NRXN3: variants seen among roughly 807,000 people sequenced by gnomAD.
NRXN3 encodes neurexin 3, also known as neurexin III.
A neutral mutation model predicts 137.6 loss-of-function variants in NRXN3; 32 were observed. That is an observed-to-expected ratio of 0.23 (90% CI 0.18 to 0.31). The LOEUF (loss-of-function observed/expected upper bound fraction) is 0.31. Among genes scored for constraint, NRXN3 ranks in the 10% least tolerant of loss-of-function variants. The probability of loss-of-function intolerance (pLI) is 1.00; values close to 1 mark genes in which losing one functional copy is unlikely to be tolerated. For synonymous variants in NRXN3, 798 were observed against 784.5 expected (o/e 1.02, Z -0.29); for missense variants, 1,574 against 2,062.5 (o/e 0.76, Z 4.59).
intron 15 of NRXN3, among the ~76,000 whole-genome samples, chr14:79,308,109 T>C (rs947798611): frequency 6.6e-5 from 10 of 152,126 alleles, no homozygotes; most frequent in Non-Finnish European, 1.0e-4. Flanking sequence ...GAGCTCATTT[T>C]CACTTACTCA....
intron 4 of NRXN3, among the ~76,000 whole-genome samples, chr14:78,622,409 TTTTG>T (rs1020882120): frequency 1.8e-4 from 27 of 152,280 alleles, no homozygotes; most frequent in East Asian, 3.9e-4. Flanking sequence ...TCATCCTGTT[TTTTG>T]TTTGTTTGTT....
chr14:78,327,360 A>C (rs991771524), intron 4 of NRXN3, among the ~76,000 whole-genome samples: 1 of 152,156 alleles, frequency 6.6e-6, no homozygotes, highest in Admixed American at 6.6e-5. Context: ...TGAAGCAAAC[A>C]ACATGAACAC....
intron 1 of NRXN3, among the ~76,000 whole-genome samples, chr14:78,225,045 C>T (rs1391661944): frequency 2.0e-5 from 3 of 152,174 alleles, no homozygotes; most frequent in East Asian, 1.9e-4. Context: ...GGATTACAGG[C>T]GTGAGCCACC....
intron 19 of NRXN3, among the ~76,000 whole-genome samples, chr14:79,711,865 G>A (rs974878445): frequency 6.6e-6 from 1 of 152,158 alleles, no homozygotes; most frequent in Non-Finnish European, 1.5e-5. Context: ...GAGCTGGGGG[G>A]ATCTATCAAG....
intron 15 of NRXN3, among the ~76,000 whole-genome samples, chr14:79,228,939 A>G (rs988800912): frequency 6.6e-6 from 1 of 152,204 alleles, no homozygotes; most frequent in Non-Finnish European, 1.5e-5. Flanking sequence ...ATGAGGTTCC[A>G]GATGGAGTCT....
At chr14:78,623,317 G>A (rs1209461990) in intron 4 of NRXN3, among the ~76,000 whole-genome samples, 1 of 152,126 alleles carries the variant, frequency 6.6e-6, no homozygotes, top group African/African-American at 2.4e-5. Flanking sequence ...TTTTAAAAAT[G>A]GATAACTACT....
At chr14:78,609,654 G>A (rs1042971475) in intron 4 of NRXN3, among the ~76,000 whole-genome samples, 6 of 152,156 alleles carry the variant, frequency 3.9e-5, no homozygotes, top group Admixed American at 2.0e-4. Flanking sequence ...AATAATATAT[G>A]ACTCCAGGAG....
At chr14:79,197,574 T>A (rs917806289) in intron 15 of NRXN3, among the ~76,000 whole-genome samples, 4 of 151,962 alleles carry the variant, frequency 2.6e-5, no homozygotes, top group African/African-American at 9.7e-5. Flanking sequence ...TTTAATTCCA[T>A]GATTTACTGG....
chr14:78,300,601 C>G, intron 4 of NRXN3: 3 of 1,038,484 alleles, frequency 2.9e-6, no homozygotes, highest in Non-Finnish European at 4.3e-6. Context: ...ACTCTCCTTG[C>G]TCTCTCTCTG....
intron 15 of NRXN3, among the ~76,000 whole-genome samples, chr14:79,154,954 C>T (rs1483828770): frequency 6.6e-6 from 1 of 151,946 alleles, no homozygotes; most frequent in Non-Finnish European, 1.5e-5. Flanking sequence ...ACACATTTTA[C>T]TTCTCTCTTT....
chr14:79,798,946 C>T (rs1047634413), intron 19 of NRXN3, among the ~76,000 whole-genome samples: 10 of 152,130 alleles, frequency 6.6e-5, no homozygotes, highest in African/African-American at 1.2e-4. Context: ...GAGGAAAATA[C>T]GTCAGATTTG....
chr14:79,388,140 C>T (rs541917019), intron 15 of NRXN3, among the ~76,000 whole-genome samples: 2 of 151,676 alleles, frequency 1.3e-5, no homozygotes, highest in Non-Finnish European at 2.9e-5. Flanking sequence ...AAGTGTGTGG[C>T]GTCTTCCCCC....
intron 15 of NRXN3, among the ~76,000 whole-genome samples, chr14:79,200,196 A>G (rs1466898007): frequency 2.6e-5 from 4 of 152,208 alleles, no homozygotes; most frequent in African/African-American, 9.7e-5. Flanking sequence ...CCCAGTGAGA[A>G]TACCCATTTA....
chr14:79,406,206 A>G (rs2095307823), intron 15 of NRXN3, among the ~76,000 whole-genome samples: 1 of 151,784 alleles, frequency 6.6e-6, no homozygotes, highest in African/African-American at 2.4e-5. Flanking sequence ...CAGCTATGTC[A>G]GCAACATACT....
chr14:78,597,020 T>C (rs2097162742), intron 4 of NRXN3, among the ~76,000 whole-genome samples: 1 of 152,210 alleles, frequency 6.6e-6, no homozygotes, highest in Non-Finnish European at 1.5e-5. Context: ...CCAGGATCCC[T>C]GATCAACAGA....
In NRXN3 at chr14:78,385,744, T is replaced by C. The variant is rs565655626; in HGVS notation, c.757+87884T>C. Among the ~76,000 whole-genome samples the C allele has an allele frequency of 2.6e-5, 4 of 152,334 alleles. No homozygotes were observed. The East Asian group carries it at 7.7e-4, about 29-fold the overall frequency. On this transcript the variant is annotated intron_variant, in intron 4 of 20. Transcript: ENST00000335750. ...TTACACATCTAAGAATCCTCTTCTT[T>C]CTTAGTACCACACCCTGGACCTTCT...
intron 6 of NRXN3, among the ~76,000 whole-genome samples, chr14:78,676,184 C>G (rs765357766): frequency 1.2e-4 from 18 of 152,012 alleles, no homozygotes; most frequent in Non-Finnish European, 2.4e-4. Flanking sequence ...ACATTTCTCG[C>G]TTTAAATCAA....
intron 19 of NRXN3, among the ~76,000 whole-genome samples, chr14:79,748,891 T>A (rs2098988130): frequency 6.6e-6 from 1 of 151,608 alleles, no homozygotes; most frequent in South Asian, 2.1e-4. Flanking sequence ...TTGCAAACAT[T>A]GTGATTGTGG....
At chr14:78,248,234 T>C (rs968054932) in intron 2 of NRXN3, among the ~76,000 whole-genome samples, 8 of 147,104 alleles carry the variant, frequency 5.4e-5, no homozygotes, top group African/African-American at 2.0e-4. Context: ...GTGTTGGTGA[T>C]AGGGACCACA....
Sources: gnomAD v4.1 joint callset for allele counts (sites outside exome capture counted in the v4.1 genomes callset) on GRCh38, gnomAD v4.1.1 for gene constraint, MANE v1.5 for transcripts, NCBI Gene and HGNC (gene_info 2026-07-23, HGNC 2026-07-21) for gene names.